The following PKHD1L1 variants were observed in gnomAD, a reference collection of about 807,000 sequenced individuals.
The protein encoded by PKHD1L1 is PKHD1 like 1.
PKHD1L1 carries 434 observed loss-of-function variants against 462.9 expected under a neutral mutation model. The observed-to-expected ratio is 0.94, with a 90% CI of 0.87 to 1.02. The LOEUF (loss-of-function observed/expected upper bound fraction) is 1.02, where lower values mean the gene tolerates loss of function less well. PKHD1L1 is among the 50% of genes least tolerant of loss of function. PKHD1L1 has a pLI of 0.00. For missense variants in PKHD1L1, 5,202 were observed against 5,096.1 expected (o/e 1.02, Z -0.63); for synonymous variants, 1,781 against 1,750.0 (o/e 1.02, Z -0.44).
intron 50 of PKHD1L1, among the ~76,000 whole-genome samples, chr8:109,469,434 A>T (rs73313128): frequency 1.6e-3 from 241 of 152,232 alleles, no homozygotes; most frequent in African/African-American, 4.9e-3. Flanking sequence ...GGTGAGAATC[A>T]GGGCAATAAA....
chr8:109,414,863 G>A (rs1470673088), intron 21 of PKHD1L1, among the ~76,000 whole-genome samples: 3 of 151,980 alleles, frequency 2.0e-5, no homozygotes, highest in African/African-American at 7.2e-5. Context: ...AGTTAGATGG[G>A]AAGAAATGGC....
At chr8:109,512,556 T>G (rs890732916) in intron 71 of PKHD1L1, among the ~76,000 whole-genome samples, 1 of 151,264 alleles carries the variant, frequency 6.6e-6, no homozygotes, top group African/African-American at 2.4e-5. Context: ...TTGATCTATA[T>G]CTCTGTTTTG....
At position 109,420,700 on chromosome 8, in the gene PKHD1L1, GAATTTTGCATT is replaced by G; in HGVS notation, c.2697+17_2697+27del. 1 of 1,512,642 alleles carries G rather than the reference GAATTTTGCATT, an allele frequency of 6.6e-7. No individual in the cohort carries two copies. Among genetic ancestry groups the G allele is most frequent in the Non-Finnish European group, 8.8e-7 (1 of 1,133,484 alleles). 93.7% of individuals were successfully genotyped at this position (1,512,642 alleles called of 1,614,324 possible). On this transcript the variant is annotated intron_variant, in intron 23 of 77. Coordinates refer to ENST00000378402, the MANE Select transcript of PKHD1L1 (RefSeq NM_177531.6). Reference sequence around the variant, plus strand: ...TGTGAGCTTTGGGCAGGTAAGCCTAGAATTTTGCATTAATTTTTATGTAGTGAATTTTATTT... The same window carrying G: ...TGTGAGCTTTGGGCAGGTAAGCCTAGAATTTTTATGTAGTGAATTTTATTT...
chr8:109,462,672 G>T (rs1817206812), intron 48 of PKHD1L1, among the ~76,000 whole-genome samples: 1 of 152,132 alleles, frequency 6.6e-6, no homozygotes, highest in Non-Finnish European at 1.5e-5. Flanking sequence ...CTCCTGAGTA[G>T]CTGGGACTAC....
chr8:109,483,835 C>G (rs1818393413), intron 57 of PKHD1L1, among the ~76,000 whole-genome samples: 1 of 151,714 alleles, frequency 6.6e-6, no homozygotes, highest in African/African-American at 2.4e-5. Flanking sequence ...CCAGTGACAT[C>G]CAAATACTGC....
chr8:109,362,687 G>T, intron 1 of PKHD1L1, 34 bp downstream of exon 1: 1 of 1,563,922 alleles, frequency 6.4e-7, no homozygotes, highest in East Asian at 2.4e-5. Flanking sequence ...AGGCAAGCAG[G>T]AGAGGCCCGC....
chr8:109,410,732 T>C lies in PKHD1L1; in HGVS notation c.2085+754T>C, dbSNP rs202056616. Among the ~76,000 whole-genome samples the C allele has an allele frequency of 1.8e-3, 76 of 43,356 alleles. 2 individuals are homozygous for C. In the East Asian group the frequency reaches 0.03, roughly 17 times the overall value. 28.4% of individuals were successfully genotyped at this position (43,356 alleles called of 152,430 possible). On this transcript the variant is annotated intron_variant, in intron 19 of 77. Coordinates refer to ENST00000378402, the MANE Select transcript of PKHD1L1 (RefSeq NM_177531.6). ...TTTCTTTTCTTTTCTTTTTCTTTTT[T>C]TTTTTTTTTTTTTTTGAGACGGAGT...
intron 14 of PKHD1L1, among the ~76,000 whole-genome samples, chr8:109,402,479 C>A (rs1813321011): frequency 6.6e-6 from 1 of 152,106 alleles, no homozygotes; most frequent in African/African-American, 2.4e-5. Context: ...CTCTCATCAT[C>A]CAGGAGACTA....
intron 74 of PKHD1L1, 96 bp from the exon 75 acceptor site, chr8:109,522,648 A>C: frequency 8.2e-7 from 1 of 1,216,358 alleles, no homozygotes; most frequent in Non-Finnish European, 1.1e-6. Context: ...TTCCAAAATA[A>C]ATAATGAATA....
intron 2 of PKHD1L1, among the ~76,000 whole-genome samples, chr8:109,376,546 G>C (rs145509137): frequency 6.6e-6 from 1 of 152,070 alleles, no homozygotes; most frequent in Non-Finnish European, 1.5e-5. Flanking sequence ...AGATGAACCC[G>C]GTACCTCAGT....
Position 109,508,244 on chromosome 8 carries a change from G to T in PKHD1L1, c.11375G>T (p.Gly3792Val). 1 of 1,607,566 alleles carries T rather than the reference G, an allele frequency of 6.2e-7. No individual in the cohort carries two copies. The highest frequency in any genetic ancestry group is 8.5e-7 in the Non-Finnish European group (1 of 1,177,790). Residue 3792 changes from glycine to valine, a missense_variant, in exon 70 of 78, where the codon GGT becomes GTT. Around this residue, in one of 3 missense-constraint regions of PKHD1L1, gnomAD observed 698 missense variants for 736.3 expected, o/e 0.95. Coordinates refer to ENST00000378402, the MANE Select transcript of PKHD1L1 (RefSeq NM_177531.6). ...RLSPVAIMGN[G>V]YVDLINGPQD... ...TCCCCAGTGGCTATAATGGGCAACG[G>T]TTATGTTGATCTTATTAATGGTAGG...
intron 46 of PKHD1L1, among the ~76,000 whole-genome samples, chr8:109,458,333 TATTACATC>T (rs1249464938): frequency 6.6e-6 from 1 of 152,160 alleles, no homozygotes. Flanking sequence ...ACACCTGGAA[TATTACATC>T]ATCTTCCTCT....
chr8:109,526,673 T>C (rs1476173696), intron 76 of PKHD1L1, 111 bp from the exon 77 acceptor site: 1 of 938,550 alleles, frequency 1.1e-6, no homozygotes, highest in African/African-American at 1.7e-5. Context: ...TTCAAAAATA[T>C]TTCATCAGGA....
rs796298923 is a variant in PKHD1L1 at position 109,388,425 on chromosome 8, A to G, written c.570-72A>G. On this transcript the variant is annotated intron_variant, in intron 6 of 77. Coordinates refer to ENST00000378402, the MANE Select transcript of PKHD1L1 (RefSeq NM_177531.6). The stretch of plus-strand genomic sequence containing the variant: ...AAAATTTAAGGGAACCAGTGAGTTG[A>G]TGGGAGGAGTGCATTTTTGAAACAA... The G allele has an allele frequency of 6.5e-6, 7 of 1,074,102 alleles. No individual in the cohort carries two copies. The African/African-American group carries it at 1.1e-4, about 17-fold the overall frequency. 66.5% of individuals were successfully genotyped at this position (1,074,102 alleles called of 1,614,324 possible).
intron 23 of PKHD1L1, among the ~76,000 whole-genome samples, chr8:109,421,158 A>T (rs1814443337): frequency 6.6e-6 from 1 of 151,812 alleles, no homozygotes; most frequent in Admixed American, 6.6e-5. Context: ...AATAAGATTA[A>T]TATTAAATAT....
At chr8:109,517,656 C>T (rs1586657396) in intron 72 of PKHD1L1, among the ~76,000 whole-genome samples, 1 of 152,084 alleles carries the variant, frequency 6.6e-6, no homozygotes. Context: ...TAAGATTCTT[C>T]TGAGATGTTT....
At position 109,485,130 on chromosome 8, in the gene PKHD1L1, T is replaced by TA. The variant is rs1201135978; in HGVS notation, c.9667dup (p.Ile3223AsnfsTer5). The TA allele has an allele frequency of 6.3e-7, 1 of 1,598,096 alleles. No homozygotes were observed. Among genetic ancestry groups the TA allele is most frequent in the Non-Finnish European group, 8.5e-7 (1 of 1,171,308 alleles). On this transcript the variant is annotated frameshift_variant, in exon 58 of 78. Transcript: ENST00000378402. LOFTEE classifies it high-confidence loss of function. ...GTATCGTTAAAATCCTGCATGATCA[T>TA]AAAATTCTCATTCTTAATGATAGCC...
At chr8:109,382,410 C>T in intron 3 of PKHD1L1, 53 bp from the exon 4 acceptor site, 1 of 1,452,336 alleles carries the variant, frequency 6.9e-7, no homozygotes, top group Non-Finnish European at 9.4e-7. Flanking sequence ...TAATACTATA[C>T]ACTAAATAAG....
At chr8:109,380,681 A>G (rs928096800) in intron 2 of PKHD1L1, among the ~76,000 whole-genome samples, 1 of 152,190 alleles carries the variant, frequency 6.6e-6, no homozygotes, top group African/African-American at 2.4e-5. Context: ...TATTTTCCTT[A>G]GAAATTCCCA....
Sources: gnomAD v4.1 joint callset for allele counts (sites outside exome capture counted in the v4.1 genomes callset) on GRCh38, gnomAD v4.1.1 for gene constraint, gnomAD v4.1.1 regional missense constraint, MANE v1.5 for transcripts, NCBI Gene and HGNC (gene_info 2026-07-23, HGNC 2026-07-21) for gene names.